The following PDE3A variants were observed in gnomAD, a reference collection of about 807,000 sequenced individuals.
The protein encoded by PDE3A is phosphodiesterase 3A, also known as cGMP-inhibited 3',5'-cyclic phosphodiesterase 3A.
In PDE3A, 43 loss-of-function variants were observed where a neutral mutation model predicts 98.3. That is an observed-to-expected ratio of 0.44 (90% confidence interval 0.34 to 0.56). PDE3A has a LOEUF of 0.56. Among genes scored for constraint, PDE3A ranks in the 20% least tolerant of loss-of-function variants. The pLI is 0.01. For missense variants in PDE3A, 1,427 were observed against 1,440.7 expected, an observed-to-expected ratio of 0.99 and a Z score of 0.15; for synonymous variants, 663 against 567.9, an observed-to-expected ratio of 1.17 and a Z score of -2.38.
intron 1 of PDE3A, among the ~76,000 whole-genome samples, chr12:20,496,637 C>T (rs1390251102): frequency 2.6e-5 from 4 of 151,996 alleles, no homozygotes; most frequent in East Asian, 1.9e-4. Flanking sequence ...GTCCACGTTC[C>T]GTTGTTGGAA....
intron 15 of PDE3A, among the ~76,000 whole-genome samples, chr12:20,660,199 G>T (rs903230983): frequency 1.3e-5 from 2 of 152,192 alleles, no homozygotes; most frequent in African/African-American, 4.8e-5. Flanking sequence ...GTATGACCAT[G>T]TGAAGAAGGA....
chr12:20,611,876 A>G (rs977914006), intron 2 of PDE3A, among the ~76,000 whole-genome samples: 7 of 151,314 alleles, frequency 4.6e-5, no homozygotes, highest in Admixed American at 1.3e-4. Context: ...AGACAACTTT[A>G]TAATACAGAT....
intron 1 of PDE3A, among the ~76,000 whole-genome samples, chr12:20,403,130 T>C (rs1944165381): frequency 6.6e-6 from 1 of 152,224 alleles, no homozygotes; most frequent in African/African-American, 2.4e-5. Context: ...GTGATTTTAA[T>C]TGAATTTTTT....
rs376797374 is a variant in PDE3A at position 20,668,194 on chromosome 12, TC to T, written c.3185-11834del. ...TATATCCCGCACCTGGCTTGGAGGG[TC>T]CTACGCCCACAGAGTCTCGCTGATT... On this transcript the variant is annotated intron_variant, in intron 15 of 15. Transcript: ENST00000359062. 2.5e-3 allele frequency among the ~76,000 whole-genome samples: 376 copies of T among 152,168 alleles called. 2 individuals carry two copies. The highest frequency in any genetic ancestry group is 8.9e-3 in the African/African-American group (368 of 41,532).
At chr12:20,620,648 G>A (rs1334278937) in intron 4 of PDE3A, among the ~76,000 whole-genome samples, 1 of 151,992 alleles carries the variant, frequency 6.6e-6, no homozygotes, top group Non-Finnish European at 1.5e-5. Context: ...GGCAGACCAA[G>A]TACATCTTGG....
At chr12:20,518,832 C>T (rs969638764) in intron 1 of PDE3A, among the ~76,000 whole-genome samples, 1 of 152,104 alleles carries the variant, frequency 6.6e-6, no homozygotes, top group African/African-American at 2.4e-5. Flanking sequence ...ACTTTCTGTA[C>T]TGATGGATTT....
chr12:20,514,660 C>CA (rs967162462), intron 1 of PDE3A, among the ~76,000 whole-genome samples: 3 of 152,144 alleles, frequency 2.0e-5, no homozygotes, highest in African/African-American at 7.2e-5. Flanking sequence ...TAGATTTGTT[C>CA]AGTGTTAACA....
chr12:20,610,958 A>G (rs910894507), intron 2 of PDE3A, among the ~76,000 whole-genome samples: 1 of 151,928 alleles, frequency 6.6e-6, no homozygotes, highest in African/African-American at 2.4e-5. Context: ...TAGGATGTAT[A>G]AGTCTAGGGT....
rs138632511 is a variant in PDE3A at position 20,562,219 on chromosome 12, C to CTT, written c.1011+5527_1011+5528dup. On this transcript the variant is annotated intron_variant, in intron 2 of 15. Transcript: ENST00000359062. The stretch of plus-strand genomic sequence containing the variant: ...GTAAAGAGAGGCAACAGAAAATATG[C>CTT]TTTTTTTTTTTTTTTTTTTGGAGAC... Among the ~76,000 whole-genome samples the CTT allele has an allele frequency of 1.6e-3, 188 of 114,172 alleles. 2 individuals are homozygous for CTT. The highest frequency in any genetic ancestry group is 4.9e-3 in the Middle Eastern group (1 of 206). 74.9% of individuals were successfully genotyped at this position (114,172 alleles called of 152,430 possible).
intron 15 of PDE3A, among the ~76,000 whole-genome samples, chr12:20,678,222 T>TTCCTTA (rs1442416814): frequency 6.6e-6 from 1 of 152,174 alleles, no homozygotes; most frequent in African/African-American, 2.4e-5. Context: ...TCTTTCCTCA[T>TTCCTTA]ATTTTAGGGA....
intron 1 of PDE3A, among the ~76,000 whole-genome samples, chr12:20,531,463 A>G (rs1257249735): frequency 6.6e-6 from 1 of 152,178 alleles, no homozygotes; most frequent in Non-Finnish European, 1.5e-5. Context: ...TTCTACTCAC[A>G]ATCATTATAT....
intron 1 of PDE3A, among the ~76,000 whole-genome samples, chr12:20,385,983 T>TAATATATATAA (rs1200465851): frequency 1.4e-5 from 1 of 69,894 alleles, no homozygotes; most frequent in East Asian, 4.9e-4. Context: ...TATTAATATA[T>TAATATATATAA]AATATATATA....
intron 1 of PDE3A, among the ~76,000 whole-genome samples, chr12:20,551,261 A>G (rs1469715780): frequency 6.6e-6 from 1 of 151,786 alleles, no homozygotes; most frequent in Non-Finnish European, 1.5e-5. Flanking sequence ...GATTCTTTCA[A>G]ATTTGTAAGA....
intron 1 of PDE3A, among the ~76,000 whole-genome samples, chr12:20,487,330 A>G (rs535071004): frequency 1.4e-4 from 22 of 152,018 alleles, no homozygotes; most frequent in Non-Finnish European, 3.1e-4. Context: ...AGTATCACAT[A>G]CATTTAAAGT....
intron 3 of PDE3A, among the ~76,000 whole-genome samples, chr12:20,615,092 G>A (rs902809126): frequency 4.0e-5 from 5 of 125,852 alleles, no homozygotes; most frequent in Admixed American, 2.2e-4. Context: ...CGTGATTTTC[G>A]CTCACTGCAT....
At chr12:20,370,381 A>T in intron 1 of PDE3A, 137 bp downstream of exon 1, 2 of 593,192 alleles carry the variant, frequency 3.4e-6, no homozygotes, top group South Asian at 6.9e-5. Flanking sequence ...GAATTAAGAA[A>T]CTAGCAGGTT....
intron 1 of PDE3A, among the ~76,000 whole-genome samples, chr12:20,386,070 A>AT (rs1287357306): frequency 0.023 from 838 of 36,432 alleles, 44 homozygotes; most frequent in African/African-American, 0.044. Context: ...AAATATATAT[A>AT]AAATATATAT....
intron 1 of PDE3A, among the ~76,000 whole-genome samples, chr12:20,437,090 T>C (rs962910012): frequency 3.9e-5 from 6 of 151,938 alleles, no homozygotes; most frequent in African/African-American, 1.2e-4. Context: ...CTTGACGCTA[T>C]CTGATTCCTT....
chr12:20,608,954 T>C (rs1943779804), intron 2 of PDE3A, among the ~76,000 whole-genome samples: 1 of 152,090 alleles, frequency 6.6e-6, no homozygotes, highest in South Asian at 2.1e-4. Flanking sequence ...AGTTAATTGT[T>C]AGTTTATTAG....
Sources: gnomAD v4.1 joint callset for allele counts (sites outside exome capture counted in the v4.1 genomes callset) on GRCh38, gnomAD v4.1.1 for gene constraint, MANE v1.5 for transcripts, NCBI Gene and HGNC (gene_info 2026-07-23, HGNC 2026-07-21) for gene names.